The following KIF26B variants were observed in gnomAD, a reference collection of about 807,000 sequenced individuals.
KIF26B encodes kinesin-like protein KIF26B.
In KIF26B, 63 loss-of-function variants were observed where a neutral mutation model predicts 151.2. The observed-to-expected ratio is 0.42, with a 90% CI of 0.34 to 0.51. The LOEUF is 0.51. Ranked by LOEUF, KIF26B falls within the 20% of genes least tolerant of loss-of-function variation. KIF26B has a pLI of 0.07. For missense variants in KIF26B, 2,813 were observed against 2,913.6 expected, an observed-to-expected ratio of 0.97 and a Z score of 0.79; for synonymous variants, 1,357 against 1,262.1, an observed-to-expected ratio of 1.08 and a Z score of -1.59.
chr1:245,415,527 A>G (rs977829622), intron 3 of KIF26B, among the ~76,000 whole-genome samples: 3 of 152,142 alleles, frequency 2.0e-5, no homozygotes, highest in African/African-American at 7.2e-5. Context: ...GTATGCGGGA[A>G]AAACCATAGC....
Position 245,688,429 on chromosome 1 carries a change from G to C in KIF26B, c.5446G>C (p.Ala1816Pro). Residue 1816 changes from alanine (A) to proline (P), a missense_variant, in exon 12 of 15, where the codon GCG becomes CCG. By Grantham distance (27) the Ala-to-Pro change is conservative. This residue lies in a region of KIF26B where 2,060 missense variants were observed against 2,088.6 expected (regional missense o/e 0.99). Transcript: ENST00000407071. ...GRISELLQGGAGARGLQLRAG... is the reference protein window; with the variant it reads ...GRISELLQGGPGARGLQLRAG... The stretch of plus-strand genomic sequence containing the variant: ...CATCTCGGAGCTGCTGCAGGGTGGC[G>C]CGGGCGCCCGGGGCTTGCAGCTGCG... 2 of 1,415,466 alleles carry C rather than the reference G, an allele frequency of 1.4e-6. No individual in the cohort carries two copies. Among genetic ancestry groups the C allele is most frequent in the Non-Finnish European group, 1.8e-6 (2 of 1,090,956 alleles). The allele number at this position is 1,415,466 out of a possible 1,614,324, so 87.7% of individuals were successfully genotyped here. A position where few individuals can be genotyped will look rare whatever the true frequency, so the allele number is the denominator to read the frequency against.
At chr1:245,675,542 C>A (rs2044347576) in intron 10 of KIF26B, among the ~76,000 whole-genome samples, 1 of 152,118 alleles carries the variant, frequency 6.6e-6, no homozygotes, top group Non-Finnish European at 1.5e-5. Context: ...TGGGAAAGGT[C>A]AAATTTTTTA....
intron 2 of KIF26B, among the ~76,000 whole-genome samples, chr1:245,259,410 C>T (rs111278249): frequency 6.6e-6 from 1 of 152,096 alleles, no homozygotes; most frequent in African/African-American, 2.4e-5. Context: ...TGTTACCAGG[C>T]AGGGTTGTGA....
chr1:245,347,158 A>G (rs1472028282), intron 2 of KIF26B, among the ~76,000 whole-genome samples: 1 of 152,116 alleles, frequency 6.6e-6, no homozygotes, highest in Non-Finnish European at 1.5e-5. Flanking sequence ...CCTCTGGCAG[A>G]GCGTTCTCCT....
chr1:245,172,862 A>C (rs1276972600), intron 2 of KIF26B, among the ~76,000 whole-genome samples: 1 of 152,234 alleles, frequency 6.6e-6, no homozygotes, highest in African/African-American at 2.4e-5. Context: ...CATCAATTTC[A>C]CAAGAAGTGA....
intron 2 of KIF26B, among the ~76,000 whole-genome samples, chr1:245,359,616 C>T (rs1357609235): frequency 1.3e-5 from 2 of 151,218 alleles, no homozygotes; most frequent in African/African-American, 4.9e-5. Flanking sequence ...ACTCCAGGAA[C>T]CCAGTATTAT....
intron 2 of KIF26B, among the ~76,000 whole-genome samples, chr1:245,211,782 G>A (rs1669538695): frequency 6.6e-6 from 1 of 152,188 alleles, no homozygotes; most frequent in South Asian, 2.1e-4. Context: ...CACAAACAGG[G>A]GAAGAACTTT....
intron 5 of KIF26B, among the ~76,000 whole-genome samples, chr1:245,546,352 T>C (rs184505378): frequency 1.3e-5 from 2 of 152,214 alleles, no homozygotes; most frequent in Non-Finnish European, 2.9e-5. Context: ...TAAAATACTG[T>C]TTTTAAAAAA....
chr1:245,465,203 C>T (rs993547130), intron 4 of KIF26B, among the ~76,000 whole-genome samples: 1 of 152,192 alleles, frequency 6.6e-6, no homozygotes. Context: ...TGGTCTCCAT[C>T]TCCTGACCTC....
At chr1:245,509,871 C>A (rs1299521377) in intron 4 of KIF26B, among the ~76,000 whole-genome samples, 2 of 152,210 alleles carry the variant, frequency 1.3e-5, no homozygotes, top group Non-Finnish European at 2.9e-5. Context: ...CTGCCTTCAG[C>A]TCCTCTGTTG....
chr1:245,313,221 G>T (rs1388502040), intron 2 of KIF26B, among the ~76,000 whole-genome samples: 1 of 152,302 alleles, frequency 6.6e-6, no homozygotes, highest in African/African-American at 2.4e-5. Context: ...GCCTGCATCA[G>T]CCAGGCTAAG....
chr1:245,496,486 T>A (rs1660516336), intron 4 of KIF26B, among the ~76,000 whole-genome samples: 1 of 152,124 alleles, frequency 6.6e-6, no homozygotes, highest in Non-Finnish European at 1.5e-5. Flanking sequence ...TCTGGAAGTA[T>A]TAAAACTCAG....
At chr1:245,534,223 C>T (rs934715841) in intron 4 of KIF26B, among the ~76,000 whole-genome samples, 2 of 151,738 alleles carry the variant, frequency 1.3e-5, no homozygotes, top group Admixed American at 6.6e-5. Flanking sequence ...TGTGCAGTGG[C>T]GTGATCTTGG....
chr1:245,224,408 C>T (rs959139748), intron 2 of KIF26B, among the ~76,000 whole-genome samples: 11 of 152,208 alleles, frequency 7.2e-5, no homozygotes, highest in African/African-American at 2.7e-4. Context: ...AGTTGCCAGC[C>T]AAGCTAGCTG....
Position 245,156,206 on chromosome 1 carries a change from CGCACGTATGACCCA to C in KIF26B, c.64-73_64-60del, listed in dbSNP as rs557456834. On this transcript the variant is annotated intron_variant, in intron 1 of 14. Coordinates refer to ENST00000407071, the MANE Select transcript of KIF26B (RefSeq NM_018012.4). The stretch of plus-strand genomic sequence containing the variant: ...GGCGGTTCGAGCGGGTACTTGGTGG[CGCACGTATGACCCA>C]GCTCCTGGGCGCTGCAGCCCGCCGC... 270 of 1,491,326 alleles carry C rather than the reference CGCACGTATGACCCA, an allele frequency of 1.8e-4. 1 individual carries two copies. The African/African-American group carries it at 3.4e-3, about 19-fold the overall frequency. 92.4% of individuals were successfully genotyped at this position (1,491,326 alleles called of 1,614,324 possible).
Position 245,493,143 on chromosome 1 carries a change from T to A in KIF26B, c.1167-47624T>A, listed in dbSNP as rs1051863944. On this transcript the variant is annotated intron_variant, in intron 4 of 14. Transcript: ENST00000407071. ...ACGTGTAGCAAGCTGACAGGAAAAG[T>A]CCTACAATTCGTTTTGTAAACTTGA... Among the ~76,000 whole-genome samples the A allele has an allele frequency of 2.1e-4, 32 of 152,146 alleles. 1 individual carries two copies. The highest frequency in any genetic ancestry group is 7.7e-4 in the African/African-American group (32 of 41,432).
intron 2 of KIF26B, among the ~76,000 whole-genome samples, chr1:245,289,164 A>G (rs969958301): frequency 3.3e-5 from 5 of 152,232 alleles, no homozygotes; most frequent in African/African-American, 9.6e-5. Context: ...AATCTTCACC[A>G]GAGCTGATTG....
intron 9 of KIF26B, among the ~76,000 whole-genome samples, chr1:245,618,825 T>C (rs1243879357): frequency 6.8e-6 from 1 of 147,956 alleles, no homozygotes; most frequent in Non-Finnish European, 1.5e-5. Context: ...TTGGTGAGCT[T>C]GTCCAAGCCC....
chr1:245,677,184 A>C (rs567708706), intron 10 of KIF26B, among the ~76,000 whole-genome samples: 1 of 152,228 alleles, frequency 6.6e-6, no homozygotes, highest in Non-Finnish European at 1.5e-5. Flanking sequence ...TTGGATCACA[A>C]AGGCTGGTCC....
Sources: allele counts gnomAD v4.1 joint callset (sites outside exome capture counted in the v4.1 genomes callset), GRCh38; gene constraint gnomAD v4.1.1; regional missense constraint gnomAD v4.1.1; transcripts MANE v1.5; gene names NCBI Gene and HGNC (gene_info 2026-07-23, HGNC 2026-07-21).